ADCY2: variants seen among roughly 807,000 people sequenced by gnomAD.
ADCY2 encodes adenylate cyclase type 2.
ADCY2 carries 31 observed loss-of-function variants against 125.2 expected under a neutral mutation model. The observed-to-expected ratio is 0.25, with a 90% CI of 0.19 to 0.33. The LOEUF (loss-of-function observed/expected upper bound fraction) is 0.33. Among genes scored for constraint, ADCY2 ranks in the 10% least tolerant of loss-of-function variants. The pLI, the probability that ADCY2 is intolerant of heterozygous loss-of-function variation, is 1.00. For missense variants in ADCY2, 904 were observed against 1,418.2 expected, an observed-to-expected ratio of 0.64 and a Z score of 5.82; for synonymous variants, 512 against 548.4, an observed-to-expected ratio of 0.93 and a Z score of 0.93.
In ADCY2 at chr5:7,712,919, G is replaced by T. The variant is rs780421283; in HGVS notation, c.1622+20G>T. 3.2e-6 allele frequency: 5 copies of T among 1,571,170 alleles called. No individual in the cohort carries two copies. Among genetic ancestry groups the T allele is most frequent in the Non-Finnish European group, 4.4e-6 (5 of 1,143,346 alleles). On this transcript the variant is annotated intron_variant, in intron 11 of 24. Coordinates refer to ENST00000338316, the MANE Select transcript of ADCY2 (RefSeq NM_020546.3). The stretch of plus-strand genomic sequence containing the variant: ...CTTAAGGTATGGTATCTCTCTATCT[G>T]ATTTTTTAAAGCTTATTGCTCTTTA...
chr5:7,682,210 A>G (rs771914018), intron 4 of ADCY2, among the ~76,000 whole-genome samples: 9 of 152,248 alleles, frequency 5.9e-5, no homozygotes, highest in Non-Finnish European at 1.0e-4. Context: ...GGAAGAAAGA[A>G]TATTGAATTA....
intron 4 of ADCY2, among the ~76,000 whole-genome samples, chr5:7,665,293 C>A (rs923787250): frequency 6.6e-6 from 1 of 152,164 alleles, no homozygotes; most frequent in Non-Finnish European, 1.5e-5. Flanking sequence ...GCCTGGATGT[C>A]CCAGTTGTCC....
rs375952323 is a variant in ADCY2, at chr5:7,768,974, C to A, written c.2214+2168C>A. On this transcript the variant is annotated intron_variant, in intron 17 of 24. Transcript: ENST00000338316. ...GGATCCCAGGGAACAGTAGAAAAGC[C>A]ATTTTGTGAGTGTGTGCCAAACAGG... Among the ~76,000 whole-genome samples the A allele has an allele frequency of 3.3e-5, 5 of 152,286 alleles. No individual in the cohort carries two copies. In the East Asian group the frequency reaches 5.8e-4, roughly 18 times the overall value.
rs1298038529 is a variant in ADCY2 at position 7,690,815 on chromosome 5, A to T, written c.845A>T (p.Tyr282Phe). Residue 282 changes from tyrosine (Y) to phenylalanine (F), a missense_variant, in exon 5 of 25, where the codon TAT becomes TTT. By Grantham distance (22) the Tyr-to-Phe change is conservative. Around this residue, in one of 7 missense-constraint regions of ADCY2, gnomAD observed 117 missense variants for 248.0 expected, o/e 0.47. Transcript: ENST00000338316. The part of the protein sequence containing the change: ...MENTNNFHNL[Y>F]VKRHTNVSIL... ...AACACAAATAACTTCCACAACCTGT[A>T]TGTGAAGCGGCATACAAACGTGAGG... The T allele has an allele frequency of 1.2e-6, 2 of 1,600,674 alleles. No homozygotes were observed. The highest frequency in any genetic ancestry group is 4.6e-5 in the East Asian group (2 of 43,586).
At chr5:7,423,316 C>T (rs999437261) in intron 2 of ADCY2, among the ~76,000 whole-genome samples, 5 of 151,872 alleles carry the variant, frequency 3.3e-5, no homozygotes, top group African/African-American at 1.2e-4. Context: ...CCAGCCAGAG[C>T]GTTGAGAAAC....
chr5:7,611,410 G>A (rs1296785716), intron 3 of ADCY2, among the ~76,000 whole-genome samples: 1 of 151,954 alleles, frequency 6.6e-6, no homozygotes, highest in Non-Finnish European at 1.5e-5. Flanking sequence ...TAAAAAATTG[G>A]TACCTCTGGA....
chr5:7,597,054 C>T (rs1340936292), intron 3 of ADCY2, among the ~76,000 whole-genome samples: 1 of 152,220 alleles, frequency 6.6e-6, no homozygotes, highest in Non-Finnish European at 1.5e-5. Context: ...AGATTTGTCT[C>T]AGGTTGCAGG....
chr5:7,681,096 G>A (rs1740314933), intron 4 of ADCY2, among the ~76,000 whole-genome samples: 1 of 151,862 alleles, frequency 6.6e-6, no homozygotes, highest in Non-Finnish European at 1.5e-5. Flanking sequence ...CCAGGATCGT[G>A]ACAGGCTTTC....
At position 7,487,574 on chromosome 5, in the gene ADCY2, G is replaced by A. The variant is rs546790672; in HGVS notation, c.409-33164G>A. Among the ~76,000 whole-genome samples the A allele has an allele frequency of 8.5e-5, 13 of 152,236 alleles. No homozygotes were observed. In the East Asian group the frequency reaches 1.4e-3, roughly 16 times the overall value. On this transcript the variant is annotated intron_variant, in intron 2 of 24. Transcript: ENST00000338316. Reference sequence around the variant, plus strand: ...GAAAGCTTTCCACTGTGGGTGAGGCGACTGCTGATGAGCCATGTTGGATCT... The same window carrying A: ...GAAAGCTTTCCACTGTGGGTGAGGCAACTGCTGATGAGCCATGTTGGATCT...
intron 14 of ADCY2, among the ~76,000 whole-genome samples, chr5:7,742,341 G>A (rs1172003089): frequency 3.3e-5 from 5 of 152,154 alleles, no homozygotes; most frequent in East Asian, 1.9e-4. Context: ...GCATGAGCCC[G>A]GCCCATGAGA....
chr5:7,604,056 A>C (rs1156242028), intron 3 of ADCY2, among the ~76,000 whole-genome samples: 1 of 45,758 alleles, frequency 2.2e-5, no homozygotes, highest in Non-Finnish European at 3.9e-5. Flanking sequence ...TATGAGTGAG[A>C]ATATGCGGTG....
At chr5:7,495,951 T>C (rs1277171420) in intron 2 of ADCY2, among the ~76,000 whole-genome samples, 1 of 152,232 alleles carries the variant, frequency 6.6e-6, no homozygotes, top group Admixed American at 6.5e-5. Flanking sequence ...ATGTGTGTTC[T>C]TTCTCTGCAA....
At chr5:7,772,837 C>A in intron 17 of ADCY2, 95 bp from the exon 18 acceptor site, 1 of 1,211,618 alleles carries the variant, frequency 8.3e-7, no homozygotes, top group South Asian at 1.5e-5. Context: ...TATATGTTGA[C>A]CAGATGAGAT....
At chr5:7,568,959 C>T (rs1354949072) in intron 3 of ADCY2, among the ~76,000 whole-genome samples, 2 of 152,146 alleles carry the variant, frequency 1.3e-5, no homozygotes, top group Admixed American at 6.6e-5. Flanking sequence ...CCTGCAGTGT[C>T]TGTACATGGG....
At chr5:7,441,915 G>GAC (rs979590765) in intron 2 of ADCY2, among the ~76,000 whole-genome samples, 15 of 152,110 alleles carry the variant, frequency 9.9e-5, no homozygotes, top group African/African-American at 3.4e-4. Flanking sequence ...CAGTGTGTCC[G>GAC]GTCCACCAGC....
At chr5:7,422,140 A>G (rs1406771952) in intron 2 of ADCY2, among the ~76,000 whole-genome samples, 1 of 152,198 alleles carries the variant, frequency 6.6e-6, no homozygotes, top group African/African-American at 2.4e-5. Context: ...CAAAAAAACA[A>G]AACTTTGACT....
chr5:7,704,782 G>A (rs1175559333), intron 7 of ADCY2, among the ~76,000 whole-genome samples: 2 of 151,884 alleles, frequency 1.3e-5, no homozygotes, highest in African/African-American at 4.8e-5. Flanking sequence ...GGAGGCTGAG[G>A]CAGGAGAATG....
rs140901196 is a variant in ADCY2 at position 7,719,349 on chromosome 5, A to C, written c.1703+2112A>C. ...GAGAAAAGTGTGCTGTACTCAAAAA[A>C]TAAAAGGGAAATTTTTCAAATGGAA... is the stretch of plus-strand genomic sequence containing the variant. On this transcript the variant is annotated intron_variant, in intron 12 of 24. Coordinates refer to ENST00000338316, the MANE Select transcript of ADCY2 (RefSeq NM_020546.3). Among the ~76,000 whole-genome samples the C allele has an allele frequency of 2.1e-3, 321 of 152,354 alleles. 1 individual carries two copies. Among genetic ancestry groups the C allele is most frequent in the African/African-American group, 7.0e-3 (289 of 41,580 alleles).
chr5:7,653,062 T>G (rs1014021027), intron 4 of ADCY2, among the ~76,000 whole-genome samples: 9 of 152,236 alleles, frequency 5.9e-5, no homozygotes, highest in Non-Finnish European at 1.2e-4. Context: ...TGTTTTGATT[T>G]CCATGAATCT....
Sources: gnomAD v4.1 joint callset for allele counts (sites outside exome capture counted in the v4.1 genomes callset) on GRCh38, gnomAD v4.1.1 for gene constraint, gnomAD v4.1.1 regional missense constraint, MANE v1.5 for transcripts, NCBI Gene and HGNC (gene_info 2026-07-23, HGNC 2026-07-21) for gene names.